The following RBFOX1 variants were observed in gnomAD, a reference collection of about 807,000 sequenced individuals.
RBFOX1 encodes the protein RNA binding protein fox-1 homolog 1.
RBFOX1 carries 8 observed loss-of-function variants against 57.7 expected under a neutral mutation model. The ratio of observed to expected loss-of-function variants is 0.14; its 90% confidence interval spans 0.08 to 0.25. The LOEUF is 0.25. Among genes scored for constraint, RBFOX1 ranks in the 10% least tolerant of loss-of-function variants. RBFOX1 has a pLI of 1.00. For missense variants in RBFOX1, 611 were observed against 548.5 expected, an observed-to-expected ratio of 1.11 and a Z score of -1.14; for synonymous variants, 326 against 222.4, an observed-to-expected ratio of 1.47 and a Z score of -4.15.
intron 4 of RBFOX1, chr16:7,304,225 A>G (rs1725771760): frequency 2.0e-6 from 2 of 976,084 alleles, no homozygotes; most frequent in South Asian, 5.1e-5. Flanking sequence ...AGAGAGAGAG[A>G]GAGAGAGAGA....
At chr16:7,208,641 A>T (rs569958862) in intron 4 of RBFOX1, among the ~76,000 whole-genome samples, 51 of 152,148 alleles carry the variant, frequency 3.4e-4, no homozygotes, top group South Asian at 6.2e-4. Flanking sequence ...TTTCAGAGCA[A>T]CCTGGGCAAC....
intron 3 of RBFOX1, among the ~76,000 whole-genome samples, chr16:6,679,193 G>T (rs868029464): frequency 4.6e-5 from 7 of 152,062 alleles, no homozygotes; most frequent in Non-Finnish European, 7.4e-5. Flanking sequence ...TCTATTTATG[G>T]CATATCAGAC....
At chr16:5,794,663 G>A (rs77185041) in intron 3 of RBFOX1, among the ~76,000 whole-genome samples, 3,858 of 152,242 alleles carry the variant, frequency 0.025, 90 homozygotes, top group East Asian at 0.11. Flanking sequence ...GGAGTCGGGC[G>A]GCCCAGCAGG....
chr16:5,681,292 G>A (rs540889685), intron 3 of RBFOX1, among the ~76,000 whole-genome samples: 3 of 148,760 alleles, frequency 2.0e-5, no homozygotes, highest in Non-Finnish European at 4.4e-5. Flanking sequence ...CACCATGTTA[G>A]CCAGGATGGT....
chr16:7,090,310 G>C (rs993120885), intron 4 of RBFOX1, among the ~76,000 whole-genome samples: 1 of 152,164 alleles, frequency 6.6e-6, no homozygotes, highest in Non-Finnish European at 1.5e-5. Flanking sequence ...GCACCTATCT[G>C]TGTTAATAGC....
chr16:6,784,038 C>T (rs1463980638), intron 3 of RBFOX1, among the ~76,000 whole-genome samples: 1 of 152,060 alleles, frequency 6.6e-6, no homozygotes, highest in Non-Finnish European at 1.5e-5. Context: ...ATTTTCTTTG[C>T]TTATTTTCTC....
At chr16:6,310,976 A>G (rs1035409448) in intron 1 of RBFOX1, among the ~76,000 whole-genome samples, 4 of 151,976 alleles carry the variant, frequency 2.6e-5, no homozygotes, top group Non-Finnish European at 5.9e-5. Context: ...GTTATCAGAG[A>G]TGCTAGGACA....
At chr16:7,345,380 TTAA>T (rs541443048) in intron 4 of RBFOX1, among the ~76,000 whole-genome samples, 96 of 152,352 alleles carry the variant, frequency 6.3e-4, no homozygotes, top group African/African-American at 2.2e-3. Context: ...GATGACCATC[TTAA>T]TAAGGCTGTT....
At chr16:5,506,171 A>C (rs73510593) in intron 2 of RBFOX1, among the ~76,000 whole-genome samples, 8,127 of 152,206 alleles carry the variant, frequency 0.053, 662 homozygotes, top group African/African-American at 0.17. Flanking sequence ...CTGTCTTCAC[A>C]GTGTTCCGGG....
At chr16:5,407,954 T>A (rs908237482) in intron 1 of RBFOX1, among the ~76,000 whole-genome samples, 4 of 152,250 alleles carry the variant, frequency 2.6e-5, no homozygotes, top group African/African-American at 9.6e-5. Flanking sequence ...CCAATTTGGA[T>A]TGAACAGCCT....
chr16:6,292,564 A>G (rs1051799735), intron 1 of RBFOX1, among the ~76,000 whole-genome samples: 2 of 151,618 alleles, frequency 1.3e-5, no homozygotes, highest in East Asian at 1.9e-4. Context: ...AGATTTTTAG[A>G]TAACGTCTAA....
intron 1 of RBFOX1, among the ~76,000 whole-genome samples, chr16:6,072,629 T>TA (rs1267060914): frequency 1.4e-4 from 21 of 151,964 alleles, no homozygotes; most frequent in Admixed American, 1.3e-3. Context: ...TTTTTTTTTT[T>TA]AATTTTTCAT....
rs8049067 is a variant in RBFOX1 at position 7,441,660 on chromosome 16, C to A, written c.28-76487C>A. On this transcript the variant is annotated intron_variant, in intron 4 of 15. Transcript: ENST00000550418. ...GATATGTAAAGATTACATTTAAAAT[C>A]GAAATTTTTGGCTTCTTGCAAAAAA... is the stretch of plus-strand genomic sequence containing the variant. Among the ~76,000 whole-genome samples, 1,100 of 152,260 alleles carry A rather than the reference C, an allele frequency of 7.2e-3. 19 individuals carry two copies. The highest frequency in any genetic ancestry group is 0.025 in the African/African-American group (1,025 of 41,552).
chr16:6,036,362 T>C (rs1162224467), intron 1 of RBFOX1, among the ~76,000 whole-genome samples: 1 of 151,374 alleles, frequency 6.6e-6, no homozygotes, highest in Admixed American at 6.6e-5. Context: ...TTAGGTGGCA[T>C]CATAGAACCA....
intron 4 of RBFOX1, among the ~76,000 whole-genome samples, chr16:7,060,311 A>G (rs1424869839): frequency 1.3e-5 from 2 of 152,198 alleles, no homozygotes; most frequent in African/African-American, 4.8e-5. Context: ...CCTGCTGGTG[A>G]CTGAAATGTT....
At position 7,712,741 on chromosome 16, in the gene RBFOX1, G is replaced by T. The variant is rs572381849; in HGVS notation, c.*1996G>T. 4.6e-5 allele frequency: 7 copies of T among 152,270 alleles called. No individual in the cohort carries two copies. The highest frequency in any genetic ancestry group is 1.7e-4 in the African/African-American group (7 of 41,570). 9.4% of individuals were successfully genotyped at this position (152,270 alleles called of 1,614,324 possible). On this transcript the variant is annotated 3_prime_UTR_variant, in exon 16 of 16. Transcript: ENST00000550418. ...CCTGGTTGATGTTCTTAAAGGAAAC[G>T]AATTATTAAAACACTATGACATCCT...
At chr16:7,165,910 C>G (rs566448961) in intron 4 of RBFOX1, among the ~76,000 whole-genome samples, 1 of 147,696 alleles carries the variant, frequency 6.8e-6, no homozygotes, top group African/African-American at 2.5e-5. Flanking sequence ...GTCTCTTGCC[C>G]CCTGCACCCC....
At chr16:7,573,492 C>G (rs12930617) in intron 5 of RBFOX1, among the ~76,000 whole-genome samples, 52,329 of 152,052 alleles carry the variant, frequency 0.34, 10,073 homozygotes, top group Non-Finnish European at 0.44. Flanking sequence ...CTTCTGATCT[C>G]CCAAATATGG....
chr16:6,773,668 T>G (rs2078831694), intron 3 of RBFOX1: 1 of 68,290 alleles, frequency 1.5e-5, no homozygotes, highest in Non-Finnish European at 2.5e-5. Flanking sequence ...TATTTGTGTG[T>G]GTGTGTATGT....
Sources: gnomAD v4.1 joint callset for allele counts (sites outside exome capture counted in the v4.1 genomes callset) on GRCh38, gnomAD v4.1.1 for gene constraint, MANE v1.5 for transcripts, NCBI Gene and HGNC (gene_info 2026-07-23, HGNC 2026-07-21) for gene names.